The following CAMKMT variants were observed in gnomAD, a reference collection of about 807,000 sequenced individuals.
The protein encoded by CAMKMT is calmodulin-lysine N-methyltransferase.
Under a neutral mutation model 48.0 loss-of-function variants are expected in CAMKMT, and 53 were observed. That is an observed-to-expected ratio of 1.10 (90% CI 0.89 to 1.39). The LOEUF (loss-of-function observed/expected upper bound fraction) is 1.39, where lower values mean the gene tolerates loss of function less well. Among genes scored for constraint, CAMKMT ranks in the 40% most tolerant of loss-of-function variants. The probability of loss-of-function intolerance (pLI) is 0.00; values close to 1 mark genes in which losing one functional copy is unlikely to be tolerated. For synonymous variants in CAMKMT, 165 were observed against 152.3 expected, an observed-to-expected ratio of 1.08 and a Z score of -0.61; for missense variants, 428 against 402.7, an observed-to-expected ratio of 1.06 and a Z score of -0.54.
chr2:44,744,346 G>T (rs1679835495), intron 8 of CAMKMT, among the ~76,000 whole-genome samples: 1 of 151,994 alleles, frequency 6.6e-6, no homozygotes, highest in African/African-American at 2.4e-5. Flanking sequence ...TCGGTATTTT[G>T]CCCTCTATTT....
At chr2:44,533,554 G>A (rs72881125) in intron 3 of CAMKMT, among the ~76,000 whole-genome samples, 17,852 of 152,090 alleles carry the variant, frequency 0.12, 1,361 homozygotes, top group African/African-American at 0.19. Flanking sequence ...TATTATATCT[G>A]GCAAAATTAT....
At chr2:44,453,901 A>G (rs934406083) in intron 3 of CAMKMT, among the ~76,000 whole-genome samples, 1 of 152,204 alleles carries the variant, frequency 6.6e-6, no homozygotes, top group South Asian at 2.1e-4. Context: ...AGAGTTTAAA[A>G]CAAGTAGTTT....
chr2:44,677,657 G>A (rs1427145262), intron 3 of CAMKMT, among the ~76,000 whole-genome samples: 3 of 151,842 alleles, frequency 2.0e-5, no homozygotes, highest in African/African-American at 4.8e-5. Flanking sequence ...GCAGTGAGCC[G>A]AGATGGCACC....
chr2:44,737,191 C>A (rs1573201511), intron 7 of CAMKMT, among the ~76,000 whole-genome samples: 1 of 152,276 alleles, frequency 6.6e-6, no homozygotes, highest in East Asian at 1.9e-4. Flanking sequence ...TCACAGCTTA[C>A]TACAGCTTCA....
intron 3 of CAMKMT, among the ~76,000 whole-genome samples, chr2:44,550,414 A>T (rs1041564334): frequency 6.6e-6 from 1 of 152,044 alleles, no homozygotes. Context: ...AAAAAGAAAG[A>T]AAAAAGACTG....
At chr2:44,562,340 T>C (rs1178473601) in intron 3 of CAMKMT, among the ~76,000 whole-genome samples, 1 of 152,220 alleles carries the variant, frequency 6.6e-6, no homozygotes, top group East Asian at 1.9e-4. Context: ...TTGCTTATTA[T>C]AATTATTATT....
chr2:44,652,720 A>G (rs761954483), intron 3 of CAMKMT, among the ~76,000 whole-genome samples: 2 of 152,220 alleles, frequency 1.3e-5, no homozygotes, highest in Non-Finnish European at 2.9e-5. Context: ...GGCGGGGTCT[A>G]GTGGGAGGAG....
intron 3 of CAMKMT, among the ~76,000 whole-genome samples, chr2:44,542,476 G>A (rs1489572705): frequency 6.7e-6 from 1 of 149,580 alleles, no homozygotes; most frequent in African/African-American, 2.5e-5. Context: ...GTCTAACTCA[G>A]GAGGTAAGAC....
At chr2:44,510,026 C>T (rs1670460713) in intron 3 of CAMKMT, among the ~76,000 whole-genome samples, 1 of 152,202 alleles carries the variant, frequency 6.6e-6, no homozygotes, top group African/African-American at 2.4e-5. Context: ...TACTTTTCCC[C>T]TGGCTTCCCT....
intron 3 of CAMKMT, among the ~76,000 whole-genome samples, chr2:44,668,480 G>T (rs985467287): frequency 3.3e-5 from 5 of 152,126 alleles, no homozygotes; most frequent in African/African-American, 1.2e-4. Context: ...CTCGTCTTCA[G>T]AAAAGGAAAG....
chr2:44,749,814 A>G (rs905442794), intron 8 of CAMKMT, among the ~76,000 whole-genome samples: 2 of 152,074 alleles, frequency 1.3e-5, no homozygotes, highest in Non-Finnish European at 2.9e-5. Context: ...CAGCCCTCCC[A>G]CTGACAGCTG....
intron 3 of CAMKMT, among the ~76,000 whole-genome samples, chr2:44,701,128 T>A (rs1343927109): frequency 3.3e-5 from 5 of 152,226 alleles, no homozygotes; most frequent in African/African-American, 1.2e-4. Flanking sequence ...GTTGGACATA[T>A]TTTGATTTAT....
rs116672996 is a variant in CAMKMT at position 44,696,839 on chromosome 2, T to A, written c.377-7444T>A. Among the ~76,000 whole-genome samples the A allele has an allele frequency of 7.2e-3, 1,092 of 152,084 alleles. 16 individuals carry two copies. The highest frequency in any genetic ancestry group is 0.025 in the African/African-American group (1,043 of 41,494). On this transcript the variant is annotated intron_variant, in intron 3 of 10. Coordinates refer to ENST00000378494, the MANE Select transcript of CAMKMT (RefSeq NM_024766.5). ...CTTAAAAGAAACTATAATTAATACT[T>A]TCAAATAATTAAGACATTGCATTCA...
chr2:44,681,403 A>T (rs1232721493), intron 3 of CAMKMT, among the ~76,000 whole-genome samples: 1 of 152,208 alleles, frequency 6.6e-6, no homozygotes, highest in African/African-American at 2.4e-5. Flanking sequence ...AAAGCCGAGA[A>T]GCCCAGTCCT....
chr2:44,642,623 C>G (rs907664615), intron 3 of CAMKMT, among the ~76,000 whole-genome samples: 1 of 151,998 alleles, frequency 6.6e-6, no homozygotes. Flanking sequence ...CTGACCTTCT[C>G]TCTACACAAT....
At chr2:44,683,822 C>CAAAAAAAAAAAAAAAAAAAAAAAAAAAA (rs10644183) in intron 3 of CAMKMT, among the ~76,000 whole-genome samples, 3 of 70,932 alleles carry the variant, frequency 4.2e-5, no homozygotes, top group African/African-American at 5.4e-5. Flanking sequence ...GACTCTGTCT[C>CAAAAAAAAAAAAAAAAAAAAAAAAAAAA]AAAAAAAAAA....
chr2:44,706,246 C>G lies in CAMKMT; in HGVS notation c.438-41C>G, dbSNP rs183638959. 170 of 1,603,670 alleles carry G rather than the reference C, an allele frequency of 1.1e-4. No individual in the cohort carries two copies. The African/African-American group carries it at 2.0e-3, about 19-fold the overall frequency. Reference sequence around the variant, plus strand: ...TATATCTCTCTCTGACCATTTTCATCTAATTTGTATGGGTTCTACCATTTC... The same window carrying G: ...TATATCTCTCTCTGACCATTTTCATGTAATTTGTATGGGTTCTACCATTTC... On this transcript the variant is annotated intron_variant, in intron 4 of 10. Transcript: ENST00000378494.
intron 3 of CAMKMT, among the ~76,000 whole-genome samples, chr2:44,698,451 A>G (rs1677082315): frequency 1.3e-5 from 2 of 152,238 alleles, no homozygotes; most frequent in South Asian, 4.1e-4. Flanking sequence ...ATATCACAAT[A>G]AAGTAAGTCA....
chr2:44,620,205 A>G (rs1672100399), intron 3 of CAMKMT, among the ~76,000 whole-genome samples: 1 of 152,158 alleles, frequency 6.6e-6, no homozygotes, highest in Middle Eastern at 3.2e-3. Flanking sequence ...TAAGATTGTG[A>G]TAGATTTTTT....
Sources: gnomAD v4.1 joint callset for allele counts (sites outside exome capture counted in the v4.1 genomes callset) on GRCh38, gnomAD v4.1.1 for gene constraint, MANE v1.5 for transcripts, NCBI Gene and HGNC (gene_info 2026-07-23, HGNC 2026-07-21) for gene names.